Variants in KIF3B observed in about 807,000 individuals in gnomAD.
The protein encoded by KIF3B is kinesin-like protein KIF3B.
KIF3B carries 38 observed loss-of-function variants against 74.3 expected under a neutral mutation model. That is an observed-to-expected ratio of 0.51 (90% CI 0.39 to 0.67). KIF3B has a LOEUF of 0.67. KIF3B is among the 30% of genes least tolerant of loss of function. The pLI, the probability that KIF3B is intolerant of heterozygous loss-of-function variation, is 0.00. For missense variants in KIF3B, 649 were observed against 932.0 expected, an observed-to-expected ratio of 0.70 and a Z score of 3.95; for synonymous variants, 326 against 342.5, an observed-to-expected ratio of 0.95 and a Z score of 0.53.
In KIF3B at chr20:32,310,152, T is replaced by C. The variant is rs776180115; in HGVS notation, c.375T>C (p.His125=). The C allele has an allele frequency of 5.0e-6, 8 of 1,613,514 alleles. No homozygotes were observed. Among genetic ancestry groups the C allele is most frequent in the Non-Finnish European group, 8.5e-7 (1 of 1,179,602 alleles). ...KRGVIPNSFD[H]IFTHISRSQN... is the part of the protein sequence containing the mutation. ...GAGTCATTCCTAACTCATTTGACCA[T>C]ATCTTCACCCACATCTCTCGATCCC... Residue 125 remains histidine (H), a synonymous_variant, in exon 2 of 9, where the codon CAT becomes CAC. Coordinates refer to ENST00000375712, the MANE Select transcript of KIF3B (RefSeq NM_004798.4). The surrounding 1 kb of genome is among the most constrained non-coding windows in gnomAD (Gnocchi z 6.5).
intron 5 of KIF3B, among the ~76,000 whole-genome samples, chr20:32,325,112 A>G (rs2047896125): frequency 6.6e-6 from 1 of 152,196 alleles, no homozygotes; most frequent in African/African-American, 2.4e-5. Flanking sequence ...AGATCAGGAC[A>G]AAATATACCA....
chr20:32,321,797 C>G (rs2047861113), intron 5 of KIF3B, among the ~76,000 whole-genome samples: 1 of 152,106 alleles, frequency 6.6e-6, no homozygotes, highest in Non-Finnish European at 1.5e-5. Flanking sequence ...CTTCATGTCT[C>G]TGTGTAAGCA....
chr20:32,278,386 T>A (rs1169638091), intron 1 of KIF3B, among the ~76,000 whole-genome samples: 2 of 152,174 alleles, frequency 1.3e-5, no homozygotes, highest in Non-Finnish European at 2.9e-5. Flanking sequence ...AATAGACTAC[T>A]GTGGAAATCA....
chr20:32,330,356 T>C (rs1456848412), intron 8 of KIF3B, 37 bp downstream of exon 8: 2 of 1,588,476 alleles, frequency 1.3e-6, no homozygotes, highest in Non-Finnish European at 1.7e-6. Flanking sequence ...AAACAGAACA[T>C]GTTTGAACAA....
chr20:32,309,815 T>C lies in KIF3B; in HGVS notation c.38T>C (p.Val13Ala), dbSNP rs747098761. The C allele has an allele frequency of 6.2e-7, 1 of 1,613,928 alleles. No individual in the cohort carries two copies. The highest frequency in any genetic ancestry group is 8.5e-7 in the Non-Finnish European group (1 of 1,179,980). Residue 13 changes from valine to alanine, a missense_variant, in exon 2 of 9, where the codon GTG (valine) becomes GCG (alanine). Physicochemically the swap from Val to Ala is moderately conservative, Grantham distance 64 (BLOSUM62 0). Coordinates refer to ENST00000375712, the MANE Select transcript of KIF3B (RefSeq NM_004798.4). ...AAAAGCTCAGAGTCAGTCAGGGTGGTGGTTCGCTGTCGGCCCATGAATGGC... is the reference window on the plus strand; with the variant it reads ...AAAAGCTCAGAGTCAGTCAGGGTGGCGGTTCGCTGTCGGCCCATGAATGGC... ...KLKSSESVRV[V>A]VRCRPMNGKE...
intron 1 of KIF3B, among the ~76,000 whole-genome samples, chr20:32,279,504 T>G (rs2047632304): frequency 1.3e-5 from 2 of 151,784 alleles, no homozygotes; most frequent in Non-Finnish European, 2.9e-5. Flanking sequence ...TTGCTGTTGT[T>G]GCCCAGGCTG....
intron 1 of KIF3B, among the ~76,000 whole-genome samples, chr20:32,292,387 A>T (rs918836942): frequency 6.6e-6 from 1 of 151,964 alleles, no homozygotes; most frequent in Non-Finnish European, 1.5e-5. Context: ...CATGAAGCCA[A>T]GAGTTTGAGA....
At chr20:32,308,873 AC>A (rs1271531518) in intron 1 of KIF3B, among the ~76,000 whole-genome samples, 2 of 149,850 alleles carry the variant, frequency 1.3e-5, no homozygotes, top group African/African-American at 4.9e-5. Flanking sequence ...CTGCCACCAC[AC>A]CCGGCTGATT....
chr20:32,326,749 C>A, intron 5 of KIF3B, 22 bp from the exon 6 acceptor site: 3 of 926,356 alleles, frequency 3.2e-6, no homozygotes, highest in Non-Finnish European at 5.2e-6. Flanking sequence ...TCTGTTTTCA[C>A]CTGTTATGTG....
At chr20:32,313,949 C>T (rs1278804606) in intron 2 of KIF3B, among the ~76,000 whole-genome samples, 1 of 152,162 alleles carries the variant, frequency 6.6e-6, no homozygotes, top group Admixed American at 6.6e-5. Context: ...CTCAAGCAAT[C>T]CTTCCACCTT....
intron 7 of KIF3B, among the ~76,000 whole-genome samples, chr20:32,329,746 A>G (rs1035361721): frequency 6.6e-5 from 10 of 152,126 alleles, no homozygotes; most frequent in Non-Finnish European, 1.2e-4. Context: ...GTGGAAGCAC[A>G]CTCAATGTTT....
In KIF3B at chr20:32,311,172, C is replaced by T; in HGVS notation, c.1395C>T (p.Ala465=). Residue 465 remains alanine, a synonymous_variant, in exon 2 of 9, where the codon GCC becomes GCT. Transcript: ENST00000375712. The part of the protein sequence containing the change: ...REKDAAEMLG[A]KIKAMESKLL... ...AGGATGCTGCCGAGATGCTGGGCGC[C>T]AAGATCAAGGTACCATACCCGTACC... The T allele has an allele frequency of 6.2e-7, 1 of 1,608,242 alleles. No individual in the cohort carries two copies. Among genetic ancestry groups the T allele is most frequent in the Non-Finnish European group, 8.5e-7 (1 of 1,177,628 alleles).
At chr20:32,303,221 A>G (rs2047752655) in intron 1 of KIF3B, among the ~76,000 whole-genome samples, 2 of 152,140 alleles carry the variant, frequency 1.3e-5, no homozygotes, top group Admixed American at 6.6e-5. Flanking sequence ...TTTAGATCTC[A>G]ATTTAATCTG....
At chr20:32,312,433 G>A (rs527787148) in intron 2 of KIF3B, among the ~76,000 whole-genome samples, 110 of 151,998 alleles carry the variant, frequency 7.2e-4, no homozygotes, top group Middle Eastern at 3.4e-3. Context: ...AGCTCCTTGC[G>A]TTTCCCTCCC....
At chr20:32,317,952 T>C (rs2122702188) in intron 5 of KIF3B, among the ~76,000 whole-genome samples, 1 of 152,252 alleles carries the variant, frequency 6.6e-6, no homozygotes, top group South Asian at 2.1e-4. Context: ...ACAATACTGT[T>C]TTTAAAAAAG....
chr20:32,326,525 G>A (rs1338425260), intron 5 of KIF3B, among the ~76,000 whole-genome samples: 5 of 152,134 alleles, frequency 3.3e-5, no homozygotes, highest in Non-Finnish European at 7.3e-5. Flanking sequence ...TTCTAAGACA[G>A]ACCACTGTCA....
chr20:32,330,727 C>G (rs1422106498), intron 8 of KIF3B, among the ~76,000 whole-genome samples: 50 of 152,166 alleles, frequency 3.3e-4, no homozygotes, highest in Non-Finnish European at 2.9e-5. Context: ...AAGTAGCCAT[C>G]TCTAAGGAAA....
At chr20:32,287,207 G>A (rs148366934) in intron 1 of KIF3B, among the ~76,000 whole-genome samples, 21 of 152,134 alleles carry the variant, frequency 1.4e-4, no homozygotes, top group African/African-American at 4.8e-4. Context: ...GTAGAAACAG[G>A]GTCTCACTAT....
intron 1 of KIF3B, among the ~76,000 whole-genome samples, chr20:32,298,151 A>AT (rs2047725291): frequency 6.6e-6 from 1 of 151,370 alleles, no homozygotes; most frequent in Non-Finnish European, 1.5e-5. Flanking sequence ...AAAAAAAAAA[A>AT]TTCAGGCCTG....
Sources: gnomAD v4.1 joint callset for allele counts (sites outside exome capture counted in the v4.1 genomes callset) on GRCh38, gnomAD v4.1.1 for gene constraint, Gnocchi (gnomAD v3.1) non-coding constraint, MANE v1.5 for transcripts, NCBI Gene and HGNC (gene_info 2026-07-23, HGNC 2026-07-21) for gene names.